PI4KA: variants seen among roughly 807,000 people sequenced by gnomAD.
PI4KA encodes PI4-kinase alpha.
PI4KA carries 122 observed loss-of-function variants against 271.4 expected under a neutral mutation model. The ratio of observed to expected loss-of-function variants is 0.45; its 90% CI spans 0.39 to 0.52. The LOEUF is 0.52. Ranked by LOEUF, PI4KA falls within the 20% of genes least tolerant of loss-of-function variation. The pLI, the probability that PI4KA is intolerant of heterozygous loss-of-function variation, is 0.00. For missense variants in PI4KA, 1,969 were observed against 2,769.1 expected (o/e 0.71, Z 6.48); for synonymous variants, 1,041 against 1,078.8 (o/e 0.96, Z 0.69).
chr22:20,751,279 C>G lies in PI4KA; in HGVS notation c.3153+14G>C, dbSNP rs781658110. On this transcript the variant is annotated intron_variant, in intron 27 of 54. Coordinates refer to ENST00000255882, the MANE Select transcript of PI4KA (RefSeq NM_058004.4). ...AAAGATGGCCCTTAGTGCAGGGGAT[C>G]GTGTCGGGCCTACCTCACGGGCTTC... The G allele has an allele frequency of 6.2e-7, 1 of 1,606,648 alleles. No individual in the cohort carries two copies. Among genetic ancestry groups the G allele is most frequent in the African/African-American group, 1.3e-5 (1 of 74,856 alleles).
chr22:20,790,782 G>C (rs1934595923), intron 19 of PI4KA, among the ~76,000 whole-genome samples: 1 of 149,978 alleles, frequency 6.7e-6, no homozygotes, highest in Non-Finnish European at 1.5e-5. Flanking sequence ...TCTTCCAGAA[G>C]GTCCAAGGGG....
intron 3 of PI4KA, among the ~76,000 whole-genome samples, chr22:20,830,618 T>C (rs925577325): frequency 6.6e-6 from 1 of 152,214 alleles, no homozygotes; most frequent in African/African-American, 2.4e-5. Flanking sequence ...ATGTGTCTTT[T>C]AAAGGGATAT....
At position 20,724,176 on chromosome 22, in the gene PI4KA, A is replaced by G. The variant is rs993905366; in HGVS notation, c.4995+2312T>C. Among the ~76,000 whole-genome samples the G allele has an allele frequency of 2.0e-5, 3 of 151,174 alleles. No individual in the cohort carries two copies. In the East Asian group the frequency reaches 6.1e-4, roughly 31 times the overall value. On this transcript the variant is annotated intron_variant, in intron 42 of 54. Coordinates refer to ENST00000255882, the MANE Select transcript of PI4KA (RefSeq NM_058004.4). Reference sequence around the variant, plus strand: ...AATAATTAACCAGGTGTGGTGGCACATGCCTGTAATCACAGCTGCTTGGGA... The same window carrying G: ...AATAATTAACCAGGTGTGGTGGCACGTGCCTGTAATCACAGCTGCTTGGGA...
At chr22:20,791,565 T>C (rs1934647901) in intron 19 of PI4KA, among the ~76,000 whole-genome samples, 1 of 152,092 alleles carries the variant, frequency 6.6e-6, no homozygotes. Context: ...GAGACAAGCC[T>C]GGGCAACATG....
chr22:20,722,283 T>G (rs1926827883), intron 42 of PI4KA, among the ~76,000 whole-genome samples: 1 of 152,122 alleles, frequency 6.6e-6, no homozygotes. Context: ...ACCTCCCAGG[T>G]TCAAGCAATT....
intron 19 of PI4KA, chr22:20,779,215 A>C: frequency 6.2e-7 from 1 of 1,603,384 alleles, no homozygotes; most frequent in Non-Finnish European, 8.5e-7. Context: ...GGTCAAAGCC[A>C]CAGGGAACCT....
intron 1 of PI4KA, among the ~76,000 whole-genome samples, chr22:20,854,459 G>C (rs1286435938): frequency 2.0e-5 from 3 of 152,086 alleles, no homozygotes; most frequent in African/African-American, 7.2e-5. Flanking sequence ...CCACAGAGCA[G>C]TAATAGGCTT....
chr22:20,730,336 G>A (rs1224789192), intron 36 of PI4KA, among the ~76,000 whole-genome samples: 1 of 152,204 alleles, frequency 6.6e-6, no homozygotes, highest in East Asian at 1.9e-4. Context: ...GTGCAATGAC[G>A]TGATCTCAGC....
chr22:20,845,335 A>G (rs1926101992), intron 1 of PI4KA, among the ~76,000 whole-genome samples: 1 of 152,206 alleles, frequency 6.6e-6, no homozygotes, highest in South Asian at 2.1e-4. Context: ...TTTGTAAGGT[A>G]TTTAGGTCAA....
chr22:20,848,791 T>C (rs1486535766), intron 1 of PI4KA, among the ~76,000 whole-genome samples: 2 of 149,188 alleles, frequency 1.3e-5, no homozygotes, highest in Non-Finnish European at 3.0e-5. Flanking sequence ...GTTTCTTAGA[T>C]ACAACACAAA....
At chr22:20,786,436 G>A (rs1454743873) in intron 19 of PI4KA, among the ~76,000 whole-genome samples, 2 of 152,182 alleles carry the variant, frequency 1.3e-5, no homozygotes, top group African/African-American at 4.8e-5. Context: ...GCTGCGGTCT[G>A]GGAAATAGCT....
At chr22:20,759,713 A>C (rs1053958474) in intron 23 of PI4KA, among the ~76,000 whole-genome samples, 1 of 151,752 alleles carries the variant, frequency 6.6e-6, no homozygotes, top group Non-Finnish European at 1.5e-5. Flanking sequence ...CTACAGGCGC[A>C]GGCCACCACG....
At position 20,803,241 on chromosome 22, in the gene PI4KA, G is replaced by T. The variant is rs778432628; in HGVS notation, c.1541C>A (p.Pro514Gln). Residue 514 changes from proline (P) to glutamine (Q), a missense_variant, in exon 13 of 55, where the codon CCG becomes CAG. Pro to Gln is a moderately conservative substitution (Grantham distance 76, BLOSUM62 -1). Transcript: ENST00000255882. ...GTAGAGCTTCACCAGAACTGGGGAC[G>T]GGATGACCAGGAAGTCTCGCAAGGA... ...TPSLRDFLVI[P>Q]SPVLVKLYKY... The T allele has an allele frequency of 6.2e-7, 1 of 1,614,062 alleles. No individual in the cohort carries two copies. The highest frequency in any genetic ancestry group is 8.5e-7 in the Non-Finnish European group (1 of 1,179,952).
chr22:20,827,833 C>T (rs912201102), intron 3 of PI4KA, among the ~76,000 whole-genome samples: 15 of 152,234 alleles, frequency 9.9e-5, no homozygotes, highest in Non-Finnish European at 1.6e-4. Context: ...CTCACTCTGT[C>T]GCCCAGGCTG....
chr22:20,779,813 A>G, intron 19 of PI4KA: 1 of 1,614,208 alleles, frequency 6.2e-7, no homozygotes, highest in Non-Finnish European at 8.5e-7. Context: ...TGATTTCCTT[A>G]GGTCTGAAGG....
At chr22:20,799,822 T>A in intron 14 of PI4KA, 56 bp from the exon 15 acceptor site, 3 of 1,179,126 alleles carry the variant, frequency 2.5e-6, no homozygotes, top group Non-Finnish European at 2.4e-6. Flanking sequence ...ATAGGTTTTT[T>A]GTTTTTTAAT....
At chr22:20,825,735 T>A (rs1473465791) in intron 3 of PI4KA, among the ~76,000 whole-genome samples, 1 of 152,202 alleles carries the variant, frequency 6.6e-6, no homozygotes, top group Non-Finnish European at 1.5e-5. Flanking sequence ...GAATGTTTTT[T>A]AATTTTTATT....
intron 1 of PI4KA, among the ~76,000 whole-genome samples, chr22:20,853,998 G>C (rs909233665): frequency 8.6e-5 from 13 of 151,644 alleles, no homozygotes; most frequent in Admixed American, 7.9e-4. Flanking sequence ...GAGTAGACGG[G>C]AAACTTGTAG....
intron 1 of PI4KA, among the ~76,000 whole-genome samples, chr22:20,847,077 G>A (rs1487040863): frequency 6.6e-6 from 1 of 151,530 alleles, no homozygotes; most frequent in East Asian, 1.9e-4. Flanking sequence ...GAACCGAGGA[G>A]GTGGAGGTTG....
Sources: allele counts gnomAD v4.1 joint callset (sites outside exome capture counted in the v4.1 genomes callset), GRCh38; gene constraint gnomAD v4.1.1; transcripts MANE v1.5; gene names NCBI Gene and HGNC (gene_info 2026-07-23, HGNC 2026-07-21).